Variants in TMEM163 observed in about 807,000 individuals in gnomAD.
TMEM163 encodes transmembrane protein 163.
Under a neutral mutation model 29.3 loss-of-function variants are expected in TMEM163, and 17 were observed. That is an observed-to-expected ratio of 0.58 (90% CI 0.40 to 0.87). The LOEUF (loss-of-function observed/expected upper bound fraction) is 0.87. Among genes scored for constraint, TMEM163 ranks in the 40% least tolerant of loss-of-function variants. The pLI, the probability that TMEM163 is intolerant of heterozygous loss-of-function variation, is 0.00. For missense variants in TMEM163, 303 were observed against 381.5 expected (o/e 0.79, Z 1.71); for synonymous variants, 157 against 160.6 (o/e 0.98, Z 0.17).
Position 134,456,296 on chromosome 2 carries a change from T to C in TMEM163, c.*420A>G. 1 of 172,582 alleles carries C rather than the reference T, an allele frequency of 5.8e-6. No homozygotes were observed. Among genetic ancestry groups the C allele is most frequent in the South Asian group, 1.6e-4 (1 of 6,210 alleles). 10.7% of individuals were successfully genotyped at this position (172,582 alleles called of 1,614,324 possible). On this transcript the variant is annotated 3_prime_UTR_variant, in exon 8 of 8. Coordinates refer to ENST00000281924, the MANE Select transcript of TMEM163 (RefSeq NM_030923.5). ...AAAGGGTGAGGGGTACAATCTTCCC[T>C]TAAGACCTGCCAGGAAAGGAGAGAC...
chr2:134,646,827 T>C (rs1383336659), intron 2 of TMEM163, among the ~76,000 whole-genome samples: 1 of 152,218 alleles, frequency 6.6e-6, no homozygotes, highest in Non-Finnish European at 1.5e-5. Flanking sequence ...GGATTCATGA[T>C]GAAGGCATAC....
chr2:134,598,190 T>C (rs1485465510), intron 2 of TMEM163, among the ~76,000 whole-genome samples: 2 of 152,176 alleles, frequency 1.3e-5, no homozygotes, highest in African/African-American at 4.8e-5. Context: ...GTCCATCCCC[T>C]GTGTAAAATG....
intron 2 of TMEM163, among the ~76,000 whole-genome samples, chr2:134,605,303 C>T (rs181996356): frequency 1.3e-5 from 2 of 152,108 alleles, no homozygotes; most frequent in East Asian, 1.9e-4. Flanking sequence ...TACAAAAGTT[C>T]ACTTGAACCC....
At chr2:134,662,461 A>T (rs918963159) in intron 2 of TMEM163, among the ~76,000 whole-genome samples, 2 of 152,240 alleles carry the variant, frequency 1.3e-5, no homozygotes, top group Admixed American at 1.3e-4. Flanking sequence ...TTGGTTAAAA[A>T]GATGAGACTA....
chr2:134,457,151 G>A (rs1181465940), intron 7 of TMEM163, among the ~76,000 whole-genome samples: 1 of 152,130 alleles, frequency 6.6e-6, no homozygotes, highest in Non-Finnish European at 1.5e-5. Context: ...CTGAATAAGT[G>A]TCCACTGCAC....
intron 2 of TMEM163, among the ~76,000 whole-genome samples, chr2:134,705,599 C>T (rs577980314): frequency 2.0e-5 from 3 of 152,186 alleles, no homozygotes; most frequent in African/African-American, 7.2e-5. Context: ...TCCCTTCCTA[C>T]CCCGGCTTCC....
intron 4 of TMEM163, among the ~76,000 whole-genome samples, chr2:134,541,901 T>C (rs1264922859): frequency 6.6e-6 from 1 of 152,166 alleles, no homozygotes; most frequent in Non-Finnish European, 1.5e-5. Flanking sequence ...CCTTTATGAA[T>C]TACCTCAACT....
At chr2:134,533,386 A>G (rs1273994014) in intron 4 of TMEM163, among the ~76,000 whole-genome samples, 1 of 152,126 alleles carries the variant, frequency 6.6e-6, no homozygotes, top group Non-Finnish European at 1.5e-5. Flanking sequence ...TGTAAAGCAT[A>G]TGGGTGTGCA....
Position 134,491,210 on chromosome 2 carries a change from G to A in TMEM163, c.555+11691C>T, listed in dbSNP as rs539534192. Reference sequence around the variant, plus strand: ...TGATACTCCCATACCCATCTCTGACGAACACCAGTGTCCTGAATACACAGA... The same window carrying A: ...TGATACTCCCATACCCATCTCTGACAAACACCAGTGTCCTGAATACACAGA... On this transcript the variant is annotated intron_variant, in intron 5 of 7. Coordinates refer to ENST00000281924, the MANE Select transcript of TMEM163 (RefSeq NM_030923.5). 7.9e-5 allele frequency among the ~76,000 whole-genome samples: 12 copies of A among 152,262 alleles called. No individual in the cohort carries two copies. The East Asian group carries it at 1.9e-3, about 25-fold the overall frequency.
intron 4 of TMEM163, among the ~76,000 whole-genome samples, chr2:134,511,720 G>C (rs1268800593): frequency 6.6e-6 from 1 of 152,158 alleles, no homozygotes; most frequent in Non-Finnish European, 1.5e-5. Context: ...GATTTTAAAG[G>C]TACTCTCAGG....
At chr2:134,530,537 A>G (rs1421036655) in intron 4 of TMEM163, among the ~76,000 whole-genome samples, 1 of 152,122 alleles carries the variant, frequency 6.6e-6, no homozygotes, top group Non-Finnish European at 1.5e-5. Flanking sequence ...TTGCCCTCCC[A>G]AAGTGCTTGG....
At chr2:134,505,798 A>G (rs486539) in intron 4 of TMEM163, among the ~76,000 whole-genome samples, 60,598 of 152,068 alleles carry the variant, frequency 0.4, 12,273 homozygotes, top group South Asian at 0.59. Flanking sequence ...CATTTACCTA[A>G]GGAGATGAGT....
intron 2 of TMEM163, among the ~76,000 whole-genome samples, chr2:134,589,899 A>G (rs1001677595): frequency 6.6e-6 from 1 of 152,172 alleles, no homozygotes; most frequent in Non-Finnish European, 1.5e-5. Context: ...TTGAGTGCCT[A>G]TTGTGAACAG....
chr2:134,466,232 G>C lies in TMEM163; in HGVS notation c.556-7C>G, dbSNP rs934710081. On this transcript the variant is annotated splice_region_variant and splice_polypyrimidine_tract_variant and intron_variant, in intron 5 of 7. Transcript: ENST00000281924. Reference sequence around the variant, plus strand: ...CACTGAACAGGAAATCGTCCTGCAAGAGAAAGTTCCAGATTTCAACAGTTC... The same window carrying C: ...CACTGAACAGGAAATCGTCCTGCAACAGAAAGTTCCAGATTTCAACAGTTC... 1.2e-6 allele frequency: 2 copies of C among 1,610,380 alleles called. No homozygotes were observed. Among genetic ancestry groups the C allele is most frequent in the African/African-American group, 2.7e-5 (2 of 74,886 alleles).
intron 4 of TMEM163, among the ~76,000 whole-genome samples, chr2:134,526,544 G>T (rs1680303908): frequency 6.6e-6 from 1 of 152,142 alleles, no homozygotes; most frequent in African/African-American, 2.4e-5. Context: ...AGTTTATGAG[G>T]CTTCCACATC....
chr2:134,674,512 ACCATATC>A (rs1684069178), intron 2 of TMEM163, among the ~76,000 whole-genome samples: 1 of 30,296 alleles, frequency 3.3e-5, no homozygotes, highest in Non-Finnish European at 7.7e-5. Context: ...CGCGCGCGCT[ACCATATC>A]TGGCTAATTT....
chr2:134,648,725 G>C (rs950791776), intron 2 of TMEM163, among the ~76,000 whole-genome samples: 10 of 152,204 alleles, frequency 6.6e-5, no homozygotes, highest in East Asian at 5.8e-4. Flanking sequence ...TGTAAGTGTT[G>C]TTGCTTCTAA....
intron 2 of TMEM163, among the ~76,000 whole-genome samples, chr2:134,580,345 G>T (rs1341089746): frequency 6.6e-6 from 1 of 152,144 alleles, no homozygotes; most frequent in Admixed American, 6.5e-5. Context: ...AATTAGGAGG[G>T]TTACAAAACT....
intron 2 of TMEM163, among the ~76,000 whole-genome samples, chr2:134,706,404 T>C (rs1033749929): frequency 3.9e-5 from 6 of 152,156 alleles, no homozygotes; most frequent in South Asian, 2.1e-4. Flanking sequence ...TCCACTGTGT[T>C]AGCGGCTGAC....
Sources: gnomAD v4.1 joint callset for allele counts (sites outside exome capture counted in the v4.1 genomes callset) on GRCh38, gnomAD v4.1.1 for gene constraint, MANE v1.5 for transcripts, NCBI Gene and HGNC (gene_info 2026-07-23, HGNC 2026-07-21) for gene names.